Variants in PCDHGA10 observed in about 807,000 individuals in gnomAD.
PCDHGA10 encodes the protein protocadherin gamma-A10.
PCDHGA10 carries 42 observed loss-of-function variants against 59.5 expected under a neutral mutation model. That is an observed-to-expected ratio of 0.71 (90% CI 0.55 to 0.91). The LOEUF (loss-of-function observed/expected upper bound fraction) is 0.91, where lower values mean the gene tolerates loss of function less well. Among genes scored for constraint, PCDHGA10 ranks in the 40% least tolerant of loss-of-function variants. The pLI is 0.00. For synonymous variants in PCDHGA10, 511 were observed against 517.2 expected, an observed-to-expected ratio of 0.99 and a Z score of 0.16; for missense variants, 1,111 against 1,198.2, an observed-to-expected ratio of 0.93 and a Z score of 1.07.
chr5:141,458,873 C>T (rs1278498446), intron 1 of PCDHGA10, among the ~76,000 whole-genome samples: 2 of 152,148 alleles, frequency 1.3e-5, no homozygotes, highest in African/African-American at 4.8e-5. Context: ...GCTGGGACTA[C>T]AGGCATGCAC....
chr5:141,485,539 G>C lies in PCDHGA10; in HGVS notation c.2437-9268G>C, dbSNP rs370323886. The C allele has an allele frequency of 9.9e-6, 16 of 1,613,986 alleles. No homozygotes were observed. In the African/African-American group the frequency reaches 2.0e-4, roughly 20 times the overall value. On this transcript the variant is annotated intron_variant, in intron 1 of 3. Transcript: ENST00000398610. This position sits in a 1 kb window ranked among gnomAD's most constrained non-coding sequence, Gnocchi z 5.7. ...TGGAAATGTACCGAGCAGAGGTAGA[G>C]ATCGTAGATGTGAATGATCACGCCC... is the stretch of plus-strand genomic sequence containing the variant.
intron 1 of PCDHGA10, among the ~76,000 whole-genome samples, chr5:141,472,267 C>T (rs547832378): frequency 6.6e-5 from 10 of 152,216 alleles, no homozygotes; most frequent in African/African-American, 2.4e-4. Context: ...TATAGCCGGG[C>T]ACAGTGGCTC....
Position 141,413,586 on chromosome 5 carries a change from C to G in PCDHGA10, c.411C>G (p.Phe137Leu), listed in dbSNP as rs2095657085. Reference sequence around the variant, plus strand: ...ATATCAATGACAATGCTCCAAAATTCCAAGCAGAAAATCTAGACGTAAAAA... The same window carrying G: ...ATATCAATGACAATGCTCCAAAATTGCAAGCAGAAAATCTAGACGTAAAAA... ...VTDINDNAPKFQAENLDVKIN... is the reference protein window; with the variant it reads ...VTDINDNAPKLQAENLDVKIN... The change falls in exon 1 of 4, where the codon TTC becomes TTG. Residue 137 changes from phenylalanine (F) to leucine (L), a missense_variant. By Grantham distance (22) the Phe-to-Leu change is conservative. Coordinates refer to ENST00000398610, the MANE Select transcript of PCDHGA10 (RefSeq NM_018913.3). 4 of 1,613,724 alleles carry G rather than the reference C, an allele frequency of 2.5e-6. No homozygotes were observed. The highest frequency in any genetic ancestry group is 1.7e-5 in the Admixed American group (1 of 60,014).
chr5:141,501,335 C>CA (rs2099808433), intron 2 of PCDHGA10, among the ~76,000 whole-genome samples: 1 of 135,634 alleles, frequency 7.4e-6, no homozygotes, highest in Non-Finnish European at 1.6e-5. Context: ...ACACACACAC[C>CA]CCAAACTCAA....
intron 1 of PCDHGA10, chr5:141,423,749 TTGGGGGGGGGG>T: frequency 3.7e-6 from 1 of 272,202 alleles, no homozygotes; most frequent in Non-Finnish European, 4.7e-6. Context: ...TGAAAACTGT[TTGGGGGGGGGG>T]TGGGGCGGCA....
In PCDHGA10 at chr5:141,432,009, G is replaced by A. The variant is rs1227754190; in HGVS notation, c.2436+16398G>A. ...GTCTTGGATAGGGAACAGGTTCCTA[G>A]CTACAACATCACAGTGACCGCCACT... On this transcript the variant is annotated intron_variant, in intron 1 of 3. Coordinates refer to ENST00000398610, the MANE Select transcript of PCDHGA10 (RefSeq NM_018913.3). The surrounding 1 kb of genome is among the most constrained non-coding windows in gnomAD (Gnocchi z 6.0). The A allele has an allele frequency of 1.2e-6, 2 of 1,614,188 alleles. No homozygotes were observed. The highest frequency in any genetic ancestry group is 1.7e-6 in the Non-Finnish European group (2 of 1,180,024).
intron 1 of PCDHGA10, chr5:141,433,288 G>A (rs2097582001): frequency 5.3e-6 from 6 of 1,136,424 alleles, no homozygotes; most frequent in Non-Finnish European, 7.5e-6. Flanking sequence ...CAAACTCCTA[G>A]GCTCAAGCAA....
chr5:141,470,825 C>T (rs557419577), intron 1 of PCDHGA10, among the ~76,000 whole-genome samples: 5 of 152,064 alleles, frequency 3.3e-5, no homozygotes, highest in Admixed American at 1.3e-4. Context: ...GTAGTTAGGA[C>T]GACAAACACA....
intron 1 of PCDHGA10, among the ~76,000 whole-genome samples, chr5:141,472,908 C>T (rs1369506606): frequency 1.3e-5 from 2 of 149,744 alleles, no homozygotes; most frequent in African/African-American, 2.5e-5. Context: ...ATTGCTTGAA[C>T]CCAAGAGGAG....
At chr5:141,443,317 C>CAA (rs35054295) in intron 1 of PCDHGA10, among the ~76,000 whole-genome samples, 2,546 of 141,926 alleles carry the variant, frequency 0.018, 55 homozygotes, top group African/African-American at 0.052. Flanking sequence ...CCCATCTCTA[C>CAA]AAAAAAAAAA....
chr5:141,421,050 T>TACCACACAA, intron 1 of PCDHGA10: 1 of 561,278 alleles, frequency 1.8e-6, no homozygotes, highest in Non-Finnish European at 3.1e-6. Flanking sequence ...CCCCCGCCTC[T>TACCACACAA]ACCACACAAA....
Position 141,421,726 on chromosome 5 carries a change from T to G in PCDHGA10, c.2436+6115T>G. On this transcript the variant is annotated intron_variant, in intron 1 of 3. Transcript: ENST00000398610. The stretch of plus-strand genomic sequence containing the variant: ...TAGGGATCCAGATGTGGGCGTGAAC[T>G]CCCTCCAGAGCTACCAGCTCAGCCC... 1 of 1,613,928 alleles carries G rather than the reference T, an allele frequency of 6.2e-7. No homozygotes were observed. Among genetic ancestry groups the G allele is most frequent in the Non-Finnish European group, 8.5e-7 (1 of 1,179,852 alleles).
intron 1 of PCDHGA10, among the ~76,000 whole-genome samples, chr5:141,488,635 C>T (rs1476156734): frequency 6.6e-6 from 1 of 152,152 alleles, no homozygotes; most frequent in Non-Finnish European, 1.5e-5. Flanking sequence ...ACCTTAGCAG[C>T]ATTCAGCAGG....
Position 141,414,917 on chromosome 5 carries a change from T to A in PCDHGA10, c.1742T>A (p.Leu581Gln). The A allele has an allele frequency of 6.2e-7, 1 of 1,614,148 alleles. No individual in the cohort carries two copies. Among genetic ancestry groups the A allele is most frequent in the Non-Finnish European group, 8.5e-7 (1 of 1,180,030 alleles). Residue 581 changes from leucine to glutamine, a missense_variant, in exon 1 of 4, where the codon CTG becomes CAG. By Grantham distance (113) the Leu-to-Gln change is moderately radical. Coordinates refer to ENST00000398610, the MANE Select transcript of PCDHGA10 (RefSeq NM_018913.3). ...ACAGACGGTTCCACAGGCGTGGAGCTGGCGCCCCGCTCCGCAGAGCCCGGC... is the reference window on the plus strand; with the variant it reads ...ACAGACGGTTCCACAGGCGTGGAGCAGGCGCCCCGCTCCGCAGAGCCCGGC... ...LPTDGSTGVE[L>Q]APRSAEPGYL...
chr5:141,498,673 T>C (rs1158071657), intron 2 of PCDHGA10, among the ~76,000 whole-genome samples: 1 of 152,180 alleles, frequency 6.6e-6, no homozygotes, highest in Non-Finnish European at 1.5e-5. Flanking sequence ...GGCTCACGCC[T>C]GTAATCCCAG....
chr5:141,490,402 G>A lies in PCDHGA10; in HGVS notation c.2437-4405G>A. On this transcript the variant is annotated intron_variant, in intron 1 of 3. Coordinates refer to ENST00000398610, the MANE Select transcript of PCDHGA10 (RefSeq NM_018913.3). This position sits in a 1 kb window ranked among gnomAD's most constrained non-coding sequence, Gnocchi z 5.4. The stretch of plus-strand genomic sequence containing the variant: ...AGGTAGAAATGGTGAAGTGAGCCTT[G>A]ATATCTCTCCGGACCTGCCATTTCA... 6.2e-7 allele frequency: 1 copy of A among 1,614,182 alleles called. No homozygotes were observed. The highest frequency in any genetic ancestry group is 8.5e-7 in the Non-Finnish European group (1 of 1,180,024).
rs777247531 is a variant in PCDHGA10 at position 141,476,417 on chromosome 5, C to T, written c.2437-18390C>T. 3 of 1,614,112 alleles carry T rather than the reference C, an allele frequency of 1.9e-6. No homozygotes were observed. Among genetic ancestry groups the T allele is most frequent in the Admixed American group, 1.7e-5 (1 of 60,018 alleles). The stretch of plus-strand genomic sequence containing the variant: ...GGATCGAGAGGAGCTGTGTGGGACA[C>T]TGCCCTCTTGCACTGTAACTCTGGA... On this transcript the variant is annotated intron_variant, in intron 1 of 3. Coordinates refer to ENST00000398610, the MANE Select transcript of PCDHGA10 (RefSeq NM_018913.3). The surrounding 1 kb of genome is among the most constrained non-coding windows in gnomAD (Gnocchi z 7.6).
intron 1 of PCDHGA10, chr5:141,422,655 C>G (rs188587553): frequency 1.2e-6 from 2 of 1,610,122 alleles, no homozygotes; most frequent in South Asian, 2.2e-5. Context: ...TCTCAGTGAC[C>G]GCCCTCGACC....
At chr5:141,480,285 T>C (rs1369369395) in intron 1 of PCDHGA10, among the ~76,000 whole-genome samples, 1 of 151,924 alleles carries the variant, frequency 6.6e-6, no homozygotes, top group East Asian at 1.9e-4. Flanking sequence ...TGTGTTGGCA[T>C]GCACCTGTGG....
Sources: gnomAD v4.1 joint callset for allele counts (sites outside exome capture counted in the v4.1 genomes callset) on GRCh38, gnomAD v4.1.1 for gene constraint, Gnocchi (gnomAD v3.1) non-coding constraint, MANE v1.5 for transcripts, NCBI Gene and HGNC (gene_info 2026-07-23, HGNC 2026-07-21) for gene names.